ADCY3: variants seen among roughly 807,000 people sequenced by gnomAD.
ADCY3 encodes the protein adenylate cyclase 3.
ADCY3 carries 70 observed loss-of-function variants against 119.4 expected under a neutral mutation model. The observed-to-expected ratio is 0.59, with a 90% confidence interval of 0.48 to 0.72. ADCY3 has a LOEUF of 0.72. ADCY3 is among the 30% of genes least tolerant of loss of function. The pLI is 0.00. For synonymous variants in ADCY3, 672 were observed against 621.4 expected (o/e 1.08, Z -1.21); for missense variants, 1,238 against 1,541.6 (o/e 0.80, Z 3.30).
rs925205210 is a variant in ADCY3, at chr2:24,827,732, T to C, written c.2433-124A>G. On this transcript the variant is annotated intron_variant, in intron 14 of 21. Coordinates refer to ENST00000679454, the MANE Select transcript of ADCY3 (RefSeq NM_004036.5). ...ATGGGAAGAATCTATTCTCAGGTCC[T>C]AGCCAAACAGTGATACGTCTGTGAG... 38 of 1,417,146 alleles carry C rather than the reference T, an allele frequency of 2.7e-5. No homozygotes were observed. In the African/African-American group the frequency reaches 5.2e-4, roughly 20 times the overall value. The allele number at this position is 1,417,146 out of a possible 1,614,324, so 87.8% of individuals were successfully genotyped here.
chr2:24,829,822 C>T (rs1470015772), intron 13 of ADCY3, among the ~76,000 whole-genome samples: 2 of 151,590 alleles, frequency 1.3e-5, no homozygotes, highest in East Asian at 1.9e-4. Context: ...GCCGTGACAA[C>T]TGACAAGAGA....
At chr2:24,888,830 G>A (rs1277255033) in intron 2 of ADCY3, among the ~76,000 whole-genome samples, 2 of 152,196 alleles carry the variant, frequency 1.3e-5, no homozygotes, top group Non-Finnish European at 2.9e-5. Context: ...CCAATATGGT[G>A]AGACCCCGTC....
chr2:24,852,474 G>A (rs1036501816), intron 3 of ADCY3, among the ~76,000 whole-genome samples: 4 of 152,232 alleles, frequency 2.6e-5, no homozygotes, highest in African/African-American at 9.6e-5. Context: ...AAGGACACTG[G>A]TGGGTCACCC....
At chr2:24,883,735 T>C (rs1676687513) in intron 2 of ADCY3, among the ~76,000 whole-genome samples, 1 of 152,164 alleles carries the variant, frequency 6.6e-6, no homozygotes. Flanking sequence ...GACAAGTGTA[T>C]AATCTGGAGA....
intron 3 of ADCY3, among the ~76,000 whole-genome samples, chr2:24,844,296 G>A (rs569874038): frequency 6.6e-6 from 1 of 152,190 alleles, no homozygotes; most frequent in South Asian, 2.1e-4. Context: ...CTAGGGTGCA[G>A]GTCCCAGGCA....
In ADCY3 at chr2:24,820,551, T is replaced by C. The variant is rs140358677; in HGVS notation, c.3252+173A>G. 1.6e-4 allele frequency: 221 copies of C among 1,413,542 alleles called. No homozygotes were observed. The East Asian group carries it at 4.8e-3, about 31-fold the overall frequency. The allele number at this position is 1,413,542 out of a possible 1,614,324, so 87.6% of individuals were successfully genotyped here. A position where few individuals can be genotyped will look rare whatever the true frequency, so the allele number is the denominator to read the frequency against. On this transcript the variant is annotated intron_variant, in intron 21 of 21. Coordinates refer to ENST00000679454, the MANE Select transcript of ADCY3 (RefSeq NM_004036.5). ...TTTTGTGGATGGGTGGAAGTGTTTC[T>C]TCCTGTGCTGAGGCTAGCTATTGCA...
Position 24,900,928 on chromosome 2 carries a change from G to C in ADCY3, c.675+17385C>G, listed in dbSNP as rs145002074. Among the ~76,000 whole-genome samples, 442 of 152,276 alleles carry C rather than the reference G, an allele frequency of 2.9e-3. 2 individuals carry two copies. The highest frequency in any genetic ancestry group is 5.4e-3 in the Non-Finnish European group (370 of 68,036). ...AAAAATACAAAAATCAGCTGGGCGT[G>C]GTAGTGGGCACCTGTAATCCCAGCT... On this transcript the variant is annotated intron_variant, in intron 2 of 21. Coordinates refer to ENST00000679454, the MANE Select transcript of ADCY3 (RefSeq NM_004036.5).
At chr2:24,832,051 CGGGGGAAGGGGGCA>C (rs1558419805) in intron 11 of ADCY3, 4 of 16,058 alleles carry the variant, frequency 2.5e-4, no homozygotes, top group African/African-American at 6.4e-4. Flanking sequence ...AGACAAGGAC[CGGGGGAAGGGGGCA>C]GGGGGCAGGG....
At chr2:24,892,373 C>T (rs1677762318) in intron 2 of ADCY3, among the ~76,000 whole-genome samples, 2 of 152,046 alleles carry the variant, frequency 1.3e-5, no homozygotes, top group African/African-American at 2.4e-5. Flanking sequence ...CTCAGCCTCC[C>T]AAGTAGCTGG....
chr2:24,840,171 G>T lies in ADCY3; in HGVS notation c.1197-140C>A. 2.5e-6 allele frequency: 3 copies of T among 1,188,070 alleles called. No individual in the cohort carries two copies. The Admixed American group carries it at 8.0e-5, about 32-fold the overall frequency. The allele number at this position is 1,188,070 out of a possible 1,614,324, so 73.6% of individuals were successfully genotyped here. A position where few individuals can be genotyped will look rare whatever the true frequency, so the allele number is the denominator to read the frequency against. The stretch of plus-strand genomic sequence containing the variant: ...CCTGGCAAGGTCCCCACAGCTTGGT[G>T]TTGGGTGGGGGGTAAGGCAGGCCAG... On this transcript the variant is annotated intron_variant, in intron 6 of 21. Coordinates refer to ENST00000679454, the MANE Select transcript of ADCY3 (RefSeq NM_004036.5).
At position 24,842,133 on chromosome 2, in the gene ADCY3, G is replaced by A; in HGVS notation, c.956+121C>T. 7.2e-7 allele frequency: 1 copy of A among 1,384,140 alleles called. No homozygotes were observed. The highest frequency in any genetic ancestry group is 9.9e-7 in the Non-Finnish European group (1 of 1,010,628). 85.7% of individuals were successfully genotyped at this position (1,384,140 alleles called of 1,614,324 possible). On this transcript the variant is annotated intron_variant, in intron 4 of 21. Transcript: ENST00000679454. The surrounding 1 kb of genome is among the most constrained non-coding windows in gnomAD (Gnocchi z 4.9). ...TCCGCCAGGCTGATGAATGCTGTGG[G>A]AGGCCTTGCTTCTAGTCCCTGGAAA...
intron 3 of ADCY3, among the ~76,000 whole-genome samples, chr2:24,853,232 G>A (rs1672594162): frequency 6.6e-6 from 1 of 152,080 alleles, no homozygotes; most frequent in African/African-American, 2.4e-5. Flanking sequence ...AGGTGGAAAT[G>A]GCTGCGCGCC....
chr2:24,852,252 G>A (rs942340117), intron 3 of ADCY3, among the ~76,000 whole-genome samples: 19 of 152,256 alleles, frequency 1.2e-4, no homozygotes, highest in African/African-American at 2.6e-4. Context: ...ACCCCGGTCC[G>A]CTCCTCCTCT....
chr2:24,845,587 C>G (rs1404569014), intron 3 of ADCY3, among the ~76,000 whole-genome samples: 1 of 152,182 alleles, frequency 6.6e-6, no homozygotes, highest in African/African-American at 2.4e-5. Flanking sequence ...TAATGGCAAT[C>G]AGTTTTAAAA....
chr2:24,838,754 C>T, intron 7 of ADCY3, 132 bp from the exon 8 acceptor site: 1 of 1,583,768 alleles, frequency 6.3e-7, no homozygotes, highest in Non-Finnish European at 8.6e-7. Context: ...GGGCAGAGGC[C>T]AAGTGGAGGC....
chr2:24,844,222 G>C (rs1671402659), intron 3 of ADCY3, among the ~76,000 whole-genome samples: 1 of 152,138 alleles, frequency 6.6e-6, no homozygotes, highest in African/African-American at 2.4e-5. Flanking sequence ...TGTCGCCATG[G>C]GGTCGGCTGC....
At chr2:24,891,285 A>G (rs1230789504) in intron 2 of ADCY3, among the ~76,000 whole-genome samples, 1 of 152,242 alleles carries the variant, frequency 6.6e-6, no homozygotes, top group African/African-American at 2.4e-5. Context: ...AATTTAAGAA[A>G]TAAATAATTC....
In ADCY3 at chr2:24,842,112, C is replaced by A; in HGVS notation, c.956+142G>T. On this transcript the variant is annotated intron_variant, in intron 4 of 21. Transcript: ENST00000679454. This position sits in a 1 kb window ranked among gnomAD's most constrained non-coding sequence, Gnocchi z 4.9. ...CAACATCTGCTGGCAGCTTCCTCCG[C>A]CAGGCTGATGAATGCTGTGGGAGGC... 8.1e-7 allele frequency: 1 copy of A among 1,239,918 alleles called. No homozygotes were observed. The highest frequency in any genetic ancestry group is 1.1e-6 in the Non-Finnish European group (1 of 897,504). 76.8% of individuals were successfully genotyped at this position (1,239,918 alleles called of 1,614,324 possible).
chr2:24,830,994 C>T (rs937042565), intron 12 of ADCY3, among the ~76,000 whole-genome samples, 169 bp from the exon 13 acceptor site: 5 of 152,238 alleles, frequency 3.3e-5, no homozygotes, highest in African/African-American at 4.8e-5. Flanking sequence ...GAGAAGAGGG[C>T]GTGGGAGTTC....
Sources: gnomAD v4.1 joint callset for allele counts (sites outside exome capture counted in the v4.1 genomes callset) on GRCh38, gnomAD v4.1.1 for gene constraint, Gnocchi (gnomAD v3.1) non-coding constraint, MANE v1.5 for transcripts, NCBI Gene and HGNC (gene_info 2026-07-23, HGNC 2026-07-21) for gene names.